EIF2B3: variants seen among roughly 807,000 people sequenced by gnomAD.
EIF2B3 encodes the protein translation initiation factor eIF2B subunit gamma.
In EIF2B3, 20 loss-of-function variants were observed where a neutral mutation model predicts 54.1. The ratio of observed to expected loss-of-function variants is 0.37; its 90% confidence interval spans 0.26 to 0.54. EIF2B3 has a LOEUF of 0.54. EIF2B3 is among the 20% of genes least tolerant of loss of function. EIF2B3 has a pLI of 0.86. For synonymous variants in EIF2B3, 153 were observed against 188.1 expected, an observed-to-expected ratio of 0.81 and a Z score of 1.52; for missense variants, 448 against 547.8, an observed-to-expected ratio of 0.82 and a Z score of 1.82.
intron 7 of EIF2B3, among the ~76,000 whole-genome samples, chr1:44,880,818 G>A (rs531785551): frequency 2.0e-5 from 3 of 152,194 alleles, no homozygotes; most frequent in South Asian, 2.1e-4. Context: ...AAAATTAGCC[G>A]GGCGTGGTGG....
Position 44,865,478 on chromosome 1 carries a change from T to C in EIF2B3, c.1203-7671A>G, listed in dbSNP as rs551609308. Among the ~76,000 whole-genome samples the C allele has an allele frequency of 2.3e-3, 343 of 152,290 alleles. 1 individual carries two copies. The highest frequency in any genetic ancestry group is 7.8e-3 in the African/African-American group (323 of 41,556). On this transcript the variant is annotated intron_variant, in intron 10 of 11. Transcript: ENST00000360403. ...ATGAGTAGGTTATTTCATTTTATTA[T>C]AGATAAAGCTTCCTTCTGTGGTTTT...
chr1:44,877,999 C>G (rs140389698), intron 8 of EIF2B3, among the ~76,000 whole-genome samples: 1 of 152,326 alleles, frequency 6.6e-6, no homozygotes, highest in Non-Finnish European at 1.5e-5. Context: ...AGAGCAGGGT[C>G]CCTCTTTCAT....
chr1:44,895,372 G>A (rs1655935224), intron 6 of EIF2B3, among the ~76,000 whole-genome samples: 1 of 152,148 alleles, frequency 6.6e-6, no homozygotes, highest in Non-Finnish European at 1.5e-5. Context: ...TAACAACCAG[G>A]ATGAGATGAC....
chr1:44,976,821 A>C (rs543191105), intron 3 of EIF2B3, among the ~76,000 whole-genome samples: 59 of 152,338 alleles, frequency 3.9e-4, no homozygotes, highest in Middle Eastern at 6.8e-3. Flanking sequence ...ATTTATATGA[A>C]GTTTATAAGC....
At chr1:44,965,197 A>G (rs893028735) in intron 3 of EIF2B3, among the ~76,000 whole-genome samples, 2 of 152,250 alleles carry the variant, frequency 1.3e-5, no homozygotes, top group Non-Finnish European at 2.9e-5. Context: ...CTGCAAGACA[A>G]GGATACTACA....
intron 3 of EIF2B3, among the ~76,000 whole-genome samples, chr1:44,971,948 G>A (rs923385743): frequency 2.0e-5 from 3 of 152,058 alleles, no homozygotes; most frequent in Admixed American, 6.5e-5. Flanking sequence ...CAGGAGAATC[G>A]CTTGAACCTG....
intron 10 of EIF2B3, among the ~76,000 whole-genome samples, chr1:44,871,315 A>G (rs977082027): frequency 3.6e-4 from 55 of 152,302 alleles, no homozygotes; most frequent in African/African-American, 1.3e-3. Context: ...CTATTTTACC[A>G]GAATTATTTC....
chr1:44,935,674 G>A (rs1196414242), intron 4 of EIF2B3, among the ~76,000 whole-genome samples: 1 of 151,918 alleles, frequency 6.6e-6, no homozygotes, highest in African/African-American at 2.4e-5. Context: ...TAATTTTTTT[G>A]TATTTTTAGA....
At chr1:44,864,049 T>G (rs1654694214) in intron 10 of EIF2B3, among the ~76,000 whole-genome samples, 2 of 152,162 alleles carry the variant, frequency 1.3e-5, no homozygotes, top group African/African-American at 4.8e-5. Flanking sequence ...AATGGCTCCC[T>G]CCTAAGAAAT....
chr1:44,896,331 T>C (rs565308788), intron 6 of EIF2B3, among the ~76,000 whole-genome samples: 1 of 152,266 alleles, frequency 6.6e-6, no homozygotes, highest in South Asian at 2.1e-4. Context: ...GTTTTACCAT[T>C]GGCTCTACAT....
At chr1:44,981,247 A>G (rs1644509914) in intron 1 of EIF2B3, 70 bp from the exon 2 acceptor site, 2 of 1,533,684 alleles carry the variant, frequency 1.3e-6, no homozygotes, top group Admixed American at 1.7e-5. Context: ...ACATACTACT[A>G]GCCTATTTTT....
At chr1:44,870,193 A>T (rs1374016002) in intron 10 of EIF2B3, among the ~76,000 whole-genome samples, 1 of 151,914 alleles carries the variant, frequency 6.6e-6, no homozygotes, top group Non-Finnish European at 1.5e-5. Flanking sequence ...AGAGAGAGAG[A>T]GAGAGAGAGA....
chr1:44,910,858 T>C (rs1457628638), intron 5 of EIF2B3, among the ~76,000 whole-genome samples: 3 of 152,048 alleles, frequency 2.0e-5, no homozygotes, highest in Non-Finnish European at 4.4e-5. Flanking sequence ...TTTTTAAATT[T>C]TTTTTCCATA....
intron 3 of EIF2B3, among the ~76,000 whole-genome samples, chr1:44,966,438 C>CAA (rs60200568): frequency 0.2 from 17,184 of 85,622 alleles, 1,297 homozygotes; most frequent in Non-Finnish European, 0.23. Context: ...GACTCTGTCT[C>CAA]AAAAAAAAAA....
In EIF2B3 at chr1:44,932,610, T is replaced by A. The variant is rs535984778; in HGVS notation, c.455-5871A>T. The stretch of plus-strand genomic sequence containing the variant: ...TTTAAGTGTTCTCACTTGAAGAACT[T>A]CGGAAACAAAAAGATCCTATAAGCT... On this transcript the variant is annotated intron_variant, in intron 4 of 11. Transcript: ENST00000360403. Among the ~76,000 whole-genome samples the A allele has an allele frequency of 1.0e-2, 1,516 of 152,238 alleles. 9 individuals carry two copies. The highest frequency in any genetic ancestry group is 0.018 in the Non-Finnish European group (1,195 of 68,016).
At chr1:44,963,580 G>A (rs1262019717) in intron 3 of EIF2B3, among the ~76,000 whole-genome samples, 1 of 152,186 alleles carries the variant, frequency 6.6e-6, no homozygotes, top group Non-Finnish European at 1.5e-5. Context: ...AACCAGGGAA[G>A]TCTTGTTGGC....
At chr1:44,946,464 G>T (rs990993148) in intron 3 of EIF2B3, among the ~76,000 whole-genome samples, 4 of 95,190 alleles carry the variant, frequency 4.2e-5, no homozygotes, top group African/African-American at 1.3e-4. Flanking sequence ...TTGAGACAGG[G>T]TCTCAGTCTG....
rs184438711 is a variant in EIF2B3 at position 44,932,146 on chromosome 1, T to C, written c.455-5407A>G. Among the ~76,000 whole-genome samples, 297 of 151,666 alleles carry C rather than the reference T, an allele frequency of 2.0e-3. 1 individual carries two copies. Among genetic ancestry groups the C allele is most frequent in the Non-Finnish European group, 2.7e-3 (184 of 67,750 alleles). On this transcript the variant is annotated intron_variant, in intron 4 of 11. Coordinates refer to ENST00000360403, the MANE Select transcript of EIF2B3 (RefSeq NM_020365.5). Reference sequence around the variant, plus strand: ...ACACACACACACACACACACCCCTATAGTAATAAACATCATTTTAACTGGA... The same window carrying C: ...ACACACACACACACACACACCCCTACAGTAATAAACATCATTTTAACTGGA...
At chr1:44,962,223 C>CATCATA (rs1186940505) in intron 3 of EIF2B3, among the ~76,000 whole-genome samples, 1 of 151,488 alleles carries the variant, frequency 6.6e-6, no homozygotes, top group Non-Finnish European at 1.5e-5. Context: ...TCATCATCAT[C>CATCATA]ATCATCATCA....
Sources: allele counts gnomAD v4.1 joint callset (sites outside exome capture counted in the v4.1 genomes callset), GRCh38; gene constraint gnomAD v4.1.1; transcripts MANE v1.5; gene names NCBI Gene and HGNC (gene_info 2026-07-23, HGNC 2026-07-21).